The following GNAQ variants were observed in gnomAD, a reference collection of about 807,000 sequenced individuals.
The protein encoded by GNAQ is G protein subunit alpha q, also known as guanine nucleotide-binding protein G(q) subunit alpha.
A neutral mutation model predicts 43.9 loss-of-function variants in GNAQ; 8 were observed. The ratio of observed to expected loss-of-function variants is 0.18; its 90% CI spans 0.11 to 0.33. GNAQ has a LOEUF of 0.33. Ranked by LOEUF, GNAQ falls within the 10% of genes least tolerant of loss-of-function variation. The pLI, the probability that GNAQ is intolerant of heterozygous loss-of-function variation, is 1.00. For synonymous variants in GNAQ, 155 were observed against 170.7 expected (o/e 0.91, Z 0.71); for missense variants, 158 against 450.8 (o/e 0.35, Z 5.88).
chr9:77,866,861 T>G (rs1827958819), intron 2 of GNAQ, among the ~76,000 whole-genome samples: 1 of 152,248 alleles, frequency 6.6e-6, no homozygotes. Flanking sequence ...AGTCGTCATC[T>G]GGAGTTTATT....
intron 2 of GNAQ, among the ~76,000 whole-genome samples, chr9:77,854,252 C>G (rs1022069095): frequency 1.3e-5 from 2 of 152,100 alleles, no homozygotes; most frequent in African/African-American, 4.8e-5. Flanking sequence ...GATACAATGG[C>G]TAAAGAACAA....
chr9:77,955,838 G>C (rs1823034186), intron 1 of GNAQ, among the ~76,000 whole-genome samples: 1 of 152,148 alleles, frequency 6.6e-6, no homozygotes, highest in African/African-American at 2.4e-5. Context: ...CAGACTTTCT[G>C]CATTAGGTTT....
intron 2 of GNAQ, among the ~76,000 whole-genome samples, chr9:77,891,579 C>T (rs1174338802): frequency 2.0e-5 from 3 of 152,210 alleles, no homozygotes; most frequent in Admixed American, 2.0e-4. Context: ...TCATCTAGGA[C>T]TTCCTCAACA....
chr9:77,941,715 T>C (rs1021608675), intron 1 of GNAQ, among the ~76,000 whole-genome samples: 1 of 152,114 alleles, frequency 6.6e-6, no homozygotes, highest in Non-Finnish European at 1.5e-5. Context: ...CATTCAACGA[T>C]AAGGAATGGG....
chr9:78,028,465 A>T (rs943918303), intron 1 of GNAQ, among the ~76,000 whole-genome samples: 3 of 152,204 alleles, frequency 2.0e-5, no homozygotes, highest in African/African-American at 7.2e-5. Flanking sequence ...ATTAATACAC[A>T]AAAGTAAATA....
intron 5 of GNAQ, among the ~76,000 whole-genome samples, chr9:77,788,170 A>G (rs1826513702): frequency 6.6e-6 from 1 of 152,234 alleles, no homozygotes. Flanking sequence ...AATTGTGTAT[A>G]TATCAAAAAC....
At chr9:77,910,257 A>G (rs1464588129) in intron 2 of GNAQ, among the ~76,000 whole-genome samples, 4 of 152,192 alleles carry the variant, frequency 2.6e-5, no homozygotes, top group Non-Finnish European at 4.4e-5. Flanking sequence ...ATGCCCCAGC[A>G]TTTCTCATAT....
At chr9:77,832,928 T>TG (rs1285913073) in intron 2 of GNAQ, among the ~76,000 whole-genome samples, 1 of 152,180 alleles carries the variant, frequency 6.6e-6, no homozygotes. Flanking sequence ...CTGCTCAGAC[T>TG]AACTGCAGGC....
At chr9:77,934,047 A>C (rs923770937) in intron 1 of GNAQ, among the ~76,000 whole-genome samples, 15 of 152,206 alleles carry the variant, frequency 9.9e-5, no homozygotes, top group Non-Finnish European at 4.4e-5. Flanking sequence ...GAAAAGGCCT[A>C]AGATGGATTT....
intron 4 of GNAQ, among the ~76,000 whole-genome samples, chr9:77,795,825 T>C (rs143250197): frequency 6.6e-6 from 1 of 152,190 alleles, no homozygotes; most frequent in Non-Finnish European, 1.5e-5. Flanking sequence ...ATGCTTCTGA[T>C]GGTGGTGGAA....
In GNAQ at chr9:77,926,840, A is replaced by G. The variant is rs141640507; in HGVS notation, c.137-4495T>C. 3.3e-5 allele frequency among the ~76,000 whole-genome samples: 5 copies of G among 152,266 alleles called. No individual in the cohort carries two copies. The East Asian group carries it at 9.7e-4, about 29-fold the overall frequency. ...CCAGAAATGAGATTACCCAGAAATG[A>G]GACTATTTAAGAACCATGCTATGAG... On this transcript the variant is annotated intron_variant, in intron 1 of 6. Transcript: ENST00000286548.
chr9:77,730,644 T>C (rs1825474016), intron 5 of GNAQ, among the ~76,000 whole-genome samples: 1 of 152,236 alleles, frequency 6.6e-6, no homozygotes, highest in East Asian at 1.9e-4. Context: ...CGGGCTGATA[T>C]AATGAAAGAT....
intron 1 of GNAQ, among the ~76,000 whole-genome samples, chr9:78,008,425 T>C (rs1289534231): frequency 6.6e-6 from 1 of 152,138 alleles, no homozygotes; most frequent in Non-Finnish European, 1.5e-5. Flanking sequence ...CCTTCTCAAT[T>C]TCTTGCTGAA....
At chr9:77,899,676 G>GGAGGAAAGACAGCAGAGGTCAGA (rs1198265406) in intron 2 of GNAQ, among the ~76,000 whole-genome samples, 11 of 152,306 alleles carry the variant, frequency 7.2e-5, no homozygotes, top group African/African-American at 2.6e-4. Context: ...AGGCAGTGCA[G>GGAGGAAAGACAGCAGAGGTCAGA]GAGGAAAGAC....
chr9:77,941,255 C>CTT (rs755624020), intron 1 of GNAQ, among the ~76,000 whole-genome samples: 7 of 145,870 alleles, frequency 4.8e-5, no homozygotes, highest in Non-Finnish European at 6.1e-5. Context: ...GCTACCATAT[C>CTT]TTTTTTTTTT....
At chr9:77,760,112 A>T (rs546059486) in intron 5 of GNAQ, among the ~76,000 whole-genome samples, 68 of 151,110 alleles carry the variant, frequency 4.5e-4, no homozygotes, top group Middle Eastern at 3.4e-3. Context: ...TATAAAATTA[A>T]TTATTTTAAA....
At chr9:78,020,995 T>C (rs1000999667) in intron 1 of GNAQ, among the ~76,000 whole-genome samples, 3 of 151,808 alleles carry the variant, frequency 2.0e-5, no homozygotes, top group African/African-American at 4.8e-5. Flanking sequence ...TGCTCTTTCT[T>C]TGGCCACAGA....
chr9:77,953,344 G>A (rs549199199), intron 1 of GNAQ, among the ~76,000 whole-genome samples: 2 of 152,256 alleles, frequency 1.3e-5, no homozygotes, highest in African/African-American at 4.8e-5. Context: ...TCATCTCTGG[G>A]TGTTTATGTT....
At chr9:78,000,199 T>C (rs1270675378) in intron 1 of GNAQ, among the ~76,000 whole-genome samples, 1 of 152,212 alleles carries the variant, frequency 6.6e-6, no homozygotes, top group Non-Finnish European at 1.5e-5. Context: ...AATTCAATTT[T>C]TTTTCCTGAA....
Sources: allele counts gnomAD v4.1 joint callset (sites outside exome capture counted in the v4.1 genomes callset), GRCh38; gene constraint gnomAD v4.1.1; transcripts MANE v1.5; gene names NCBI Gene and HGNC (gene_info 2026-07-23, HGNC 2026-07-21).